The following CACNA1D variants were observed in gnomAD, a reference collection of about 807,000 sequenced individuals.
The protein encoded by CACNA1D is voltage-dependent L-type calcium channel subunit alpha-1D.
A neutral mutation model predicts 257.1 loss-of-function variants in CACNA1D; 55 were observed. The observed-to-expected ratio is 0.21, with a 90% CI of 0.17 to 0.27. The LOEUF is 0.27. Ranked by LOEUF, CACNA1D falls within the 10% of genes least tolerant of loss-of-function variation. CACNA1D has a pLI of 1.00. For missense variants in CACNA1D, 1,876 were observed against 2,784.0 expected, an observed-to-expected ratio of 0.67 and a Z score of 7.34; for synonymous variants, 980 against 1,014.9, an observed-to-expected ratio of 0.97 and a Z score of 0.65.
chr3:53,740,136 G>A (rs1051825313), intron 20 of CACNA1D, 144 bp from the exon 21 acceptor site: 51 of 746,428 alleles, frequency 6.8e-5, no homozygotes, highest in South Asian at 2.9e-4. Flanking sequence ...GCATTCACCC[G>A]TGGCTCTGCA....
chr3:53,698,047 A>G (rs952498810), intron 8 of CACNA1D, among the ~76,000 whole-genome samples: 1 of 152,250 alleles, frequency 6.6e-6, no homozygotes, highest in African/African-American at 2.4e-5. Context: ...AGGCAGACCT[A>G]GGAAATATAT....
At chr3:53,756,889 C>A (rs946763045) in intron 29 of CACNA1D, among the ~76,000 whole-genome samples, 1 of 152,186 alleles carries the variant, frequency 6.6e-6, no homozygotes, top group Non-Finnish European at 1.5e-5. Flanking sequence ...TTGTTTGCTG[C>A]GGTTACTGGC....
intron 9 of CACNA1D, among the ~76,000 whole-genome samples, chr3:53,711,965 G>A (rs2094761893): frequency 6.6e-6 from 1 of 152,228 alleles, no homozygotes; most frequent in African/African-American, 2.4e-5. Context: ...TGGGCTTGAT[G>A]CAGCACCTGA....
At chr3:53,534,695 A>G (rs2092060491) in intron 3 of CACNA1D, among the ~76,000 whole-genome samples, 1 of 152,064 alleles carries the variant, frequency 6.6e-6, no homozygotes. Context: ...TCACATTCAC[A>G]TGCTCACTAT....
At chr3:53,756,850 G>A (rs573936691) in intron 29 of CACNA1D, among the ~76,000 whole-genome samples, 39 of 152,262 alleles carry the variant, frequency 2.6e-4, no homozygotes, top group South Asian at 1.7e-3. Context: ...CCCATCTGGC[G>A]TTTTGTCCAG....
At chr3:53,681,778 C>T (rs1023218198) in intron 8 of CACNA1D, among the ~76,000 whole-genome samples, 1 of 152,212 alleles carries the variant, frequency 6.6e-6, no homozygotes, top group Non-Finnish European at 1.5e-5. Flanking sequence ...TTAACAGGCA[C>T]AACTGCTGTC....
intron 9 of CACNA1D, among the ~76,000 whole-genome samples, chr3:53,716,604 C>A (rs1340614580): frequency 6.7e-6 from 1 of 149,546 alleles, no homozygotes; most frequent in African/African-American, 2.5e-5. Flanking sequence ...TTGTTTGTTT[C>A]TGCATGAAAT....
At chr3:53,741,431 T>C (rs920233207) in intron 21 of CACNA1D, among the ~76,000 whole-genome samples, 2 of 152,266 alleles carry the variant, frequency 1.3e-5, no homozygotes, top group African/African-American at 4.8e-5. Context: ...TCAATTAATA[T>C]GGTCAGGGAA....
intron 3 of CACNA1D, among the ~76,000 whole-genome samples, chr3:53,559,943 G>A (rs188337274): frequency 6.9e-6 from 1 of 145,224 alleles, no homozygotes; most frequent in East Asian, 2.2e-4. Context: ...AGAGTTTTAG[G>A]TACCTGCTCC....
intron 38 of CACNA1D, 56 bp downstream of exon 38, chr3:53,780,184 C>G (rs1448660620): frequency 7.5e-7 from 1 of 1,331,662 alleles, no homozygotes; most frequent in Non-Finnish European, 1.1e-6. Context: ...GACATCACAT[C>G]CCATCTTGCC....
chr3:53,739,466 G>T (rs1010660678), intron 20 of CACNA1D, among the ~76,000 whole-genome samples: 31 of 152,172 alleles, frequency 2.0e-4, no homozygotes, highest in African/African-American at 7.5e-4. Flanking sequence ...TTGCCTCCAT[G>T]GCTCCGAGGA....
Position 53,790,861 on chromosome 3 carries a change from T to A in CACNA1D, c.4923+3909T>A, listed in dbSNP as rs996183395. Reference sequence around the variant, plus strand: ...GTGGAGTTTTGTTTTGTTATTTTTTTAAAGCATGATTCTACCTGAAGCCAT... The same window carrying A: ...GTGGAGTTTTGTTTTGTTATTTTTTAAAAGCATGATTCTACCTGAAGCCAT... On this transcript the variant is annotated intron_variant, in intron 40 of 47. Coordinates refer to ENST00000350061, the MANE Select transcript of CACNA1D (RefSeq NM_001128840.3). 14 of 650,430 alleles carry A rather than the reference T, an allele frequency of 2.2e-5. No individual in the cohort carries two copies. In the African/African-American group the frequency reaches 2.6e-4, roughly 12 times the overall value. 40.3% of individuals were successfully genotyped at this position (650,430 alleles called of 1,614,324 possible).
chr3:53,651,626 G>T (rs1559469948), intron 4 of CACNA1D, among the ~76,000 whole-genome samples: 1 of 152,150 alleles, frequency 6.6e-6, no homozygotes, highest in Non-Finnish European at 1.5e-5. Flanking sequence ...TGGAAATGTT[G>T]CCAGGAAGAG....
At chr3:53,763,375 G>A (rs2095314893) in intron 30 of CACNA1D, among the ~76,000 whole-genome samples, 1 of 152,236 alleles carries the variant, frequency 6.6e-6, no homozygotes, top group Admixed American at 6.5e-5. Flanking sequence ...TAAGAAGCGT[G>A]AGAAAGGGAG....
intron 8 of CACNA1D, among the ~76,000 whole-genome samples, chr3:53,698,559 G>A (rs2094592895): frequency 6.6e-6 from 1 of 152,172 alleles, no homozygotes; most frequent in African/African-American, 2.4e-5. Context: ...CAGTTTAGGG[G>A]TATTTTCCCT....
At chr3:53,761,847 C>G in intron 29 of CACNA1D, 151 bp from the exon 30 acceptor site, 1 of 700,938 alleles carries the variant, frequency 1.4e-6, no homozygotes, top group South Asian at 1.5e-5. Context: ...CCCCTTTCCA[C>G]CAGTGGACAG....
At chr3:53,606,812 C>T (rs948526965) in intron 3 of CACNA1D, among the ~76,000 whole-genome samples, 13 of 152,254 alleles carry the variant, frequency 8.5e-5, no homozygotes, top group African/African-American at 2.9e-4. Context: ...TGTGCCCTAT[C>T]TAGTCAGTCC....
intron 3 of CACNA1D, among the ~76,000 whole-genome samples, chr3:53,518,832 T>C (rs769771000): frequency 1.1e-4 from 16 of 152,238 alleles, no homozygotes; most frequent in Non-Finnish European, 2.4e-4. Context: ...GGCAATATTA[T>C]CAGAATTACG....
At chr3:53,678,404 T>C (rs1329014478) in intron 8 of CACNA1D, among the ~76,000 whole-genome samples, 1 of 152,230 alleles carries the variant, frequency 6.6e-6, no homozygotes, top group Admixed American at 6.5e-5. Context: ...AAATTCAAAA[T>C]CATACCAATT....
Sources: allele counts gnomAD v4.1 joint callset (sites outside exome capture counted in the v4.1 genomes callset), GRCh38; gene constraint gnomAD v4.1.1; transcripts MANE v1.5; gene names NCBI Gene and HGNC (gene_info 2026-07-23, HGNC 2026-07-21).